The following TMEM178A variants were observed in gnomAD, a reference collection of about 807,000 sequenced individuals.
TMEM178A encodes the protein transmembrane protein 178A.
TMEM178A carries 12 observed loss-of-function variants against 29.1 expected under a neutral mutation model. That is an observed-to-expected ratio of 0.41 (90% confidence interval 0.26 to 0.67). The LOEUF is 0.67. TMEM178A is among the 30% of genes least tolerant of loss of function. TMEM178A has a pLI of 0.29. For missense variants in TMEM178A, 366 were observed against 419.1 expected, an observed-to-expected ratio of 0.87 and a Z score of 1.11; for synonymous variants, 210 against 187.2, an observed-to-expected ratio of 1.12 and a Z score of -0.99.
chr2:39,715,718 T>C (rs1476040570), intron 3 of TMEM178A, among the ~76,000 whole-genome samples: 1 of 152,208 alleles, frequency 6.6e-6, no homozygotes, highest in Non-Finnish European at 1.5e-5. Flanking sequence ...AAGTGCACAT[T>C]TGGAAGCGGA....
chr2:39,707,508 G>A lies in TMEM178A; in HGVS notation c.652+322G>A, dbSNP rs112173459. 9.1e-3 allele frequency among the ~76,000 whole-genome samples: 1,380 copies of A among 152,142 alleles called. 16 individuals carry two copies. Among genetic ancestry groups the A allele is most frequent in the African/African-American group, 0.032 (1,309 of 41,488 alleles). On this transcript the variant is annotated intron_variant, in intron 3 of 3. Coordinates refer to ENST00000281961, the MANE Select transcript of TMEM178A (RefSeq NM_152390.3). ...TTTTTTTGAGATGGAGTCTCACTCT[G>A]TCACCCAGGCTGGAGTGTAGTGGTG...
chr2:39,713,894 T>C (rs1251280513), intron 3 of TMEM178A, among the ~76,000 whole-genome samples: 1 of 152,198 alleles, frequency 6.6e-6, no homozygotes, highest in Non-Finnish European at 1.5e-5. Context: ...GAATTTAGGA[T>C]TTTTTGTTTT....
At chr2:39,734,986 CA>C in the TMEM178A span, among the ~76,000 whole-genome samples, 3 of 152,162 alleles carry the variant, frequency 2.0e-5, no homozygotes, top group South Asian at 2.1e-4. Context: ...TGAATCATTG[CA>C]AAAAACTCCC....
At chr2:39,665,800 A>T, upstream of TMEM178A, 1 of 486,346 alleles carries the variant, frequency 2.1e-6, no homozygotes, top group Non-Finnish European at 3.1e-6. Context: ...AGGCGAGATC[A>T]GGCCAGGGGA....
At chr2:39,721,938 C>T (rs2148125096), downstream of TMEM178A, among the ~76,000 whole-genome samples, 1 of 131,002 alleles carries the variant, frequency 7.6e-6, no homozygotes, top group African/African-American at 2.9e-5. Context: ...GCTATTATCA[C>T]ACCACTGCAC....
downstream of TMEM178A, among the ~76,000 whole-genome samples, chr2:39,719,630 T>A (rs1250461560): frequency 6.6e-6 from 1 of 152,198 alleles, no homozygotes; most frequent in Non-Finnish European, 1.5e-5. Context: ...AACTGGCTTG[T>A]GAATGAAGAA....
At chr2:39,723,501 T>C in the TMEM178A span, among the ~76,000 whole-genome samples, 1 of 152,230 alleles carries the variant, frequency 6.6e-6, no homozygotes, top group Non-Finnish European at 1.5e-5. Context: ...CTTTTAGGTC[T>C]CCTTCATTCT....
At chr2:39,708,760 G>A (rs2148111034) in intron 3 of TMEM178A, among the ~76,000 whole-genome samples, 1 of 152,224 alleles carries the variant, frequency 6.6e-6, no homozygotes, top group African/African-American at 2.4e-5. Context: ...GTGGAGACAG[G>A]GCTAGGATTT....
chr2:39,670,642 G>A (rs533336767), intron 1 of TMEM178A, among the ~76,000 whole-genome samples: 22 of 152,322 alleles, frequency 1.4e-4, no homozygotes, highest in African/African-American at 5.1e-4. Context: ...TAGGAAGACA[G>A]GACAGATGGA....
intron 1 of TMEM178A, among the ~76,000 whole-genome samples, chr2:39,666,868 G>A (rs951629580): frequency 2.6e-5 from 4 of 152,256 alleles, no homozygotes; most frequent in Admixed American, 2.6e-4. Context: ...AGAGAGGGAA[G>A]GGGCTTTGCC....
intron 1 of TMEM178A, among the ~76,000 whole-genome samples, chr2:39,687,701 G>C (rs770082710): frequency 6.6e-6 from 1 of 152,216 alleles, no homozygotes; most frequent in Non-Finnish European, 1.5e-5. Flanking sequence ...GTAGAAGGCA[G>C]CATCAAGGTA....
intron 1 of TMEM178A, among the ~76,000 whole-genome samples, chr2:39,694,900 A>G (rs1424618495): frequency 6.6e-6 from 1 of 152,204 alleles, no homozygotes; most frequent in Non-Finnish European, 1.5e-5. Context: ...TGTAGACCTG[A>G]TGAAAGGTTT....
At chr2:39,721,993 A>G (rs1672715698), downstream of TMEM178A, among the ~76,000 whole-genome samples, 2 of 147,708 alleles carry the variant, frequency 1.4e-5, no homozygotes, top group Non-Finnish European at 3.0e-5. Context: ...CTCAAAAAAA[A>G]AAAAAAAAAA....
intron 3 of TMEM178A, among the ~76,000 whole-genome samples, chr2:39,716,121 T>C (rs1357473375): frequency 6.6e-6 from 1 of 152,222 alleles, no homozygotes; most frequent in Non-Finnish European, 1.5e-5. Flanking sequence ...GACATTCTGA[T>C]ACTTGATTGG....
chr2:39,726,396 G>T, the TMEM178A span, among the ~76,000 whole-genome samples: 1 of 152,148 alleles, frequency 6.6e-6, no homozygotes, highest in Non-Finnish European at 1.5e-5. Context: ...CATGTGGCAG[G>T]GTCAGCAAAA....
At chr2:39,679,073 T>C (rs1670752233) in intron 1 of TMEM178A, among the ~76,000 whole-genome samples, 1 of 152,222 alleles carries the variant, frequency 6.6e-6, no homozygotes, top group South Asian at 2.1e-4. Context: ...TGGGATGCCA[T>C]TGTACTTTAT....
rs140716982 is a variant in TMEM178A, at chr2:39,691,966, A to C, written c.401-12115A>C. 5.7e-3 allele frequency among the ~76,000 whole-genome samples: 866 copies of C among 152,084 alleles called. 12 individuals carry two copies. Among genetic ancestry groups the C allele is most frequent in the African/African-American group, 0.02 (811 of 41,568 alleles). On this transcript the variant is annotated intron_variant, in intron 1 of 3. Transcript: ENST00000281961. ...ATATACATATATATGTATATAATAG[A>C]ATATTTAATTCAGCCTTAAAAAAGA...
rs1033320843 is a variant in TMEM178A, at chr2:39,704,006, G to A, written c.401-75G>A. 1.9e-5 allele frequency: 23 copies of A among 1,241,142 alleles called. No individual in the cohort carries two copies. The South Asian group carries it at 2.6e-4, about 14-fold the overall frequency. 76.9% of individuals were successfully genotyped at this position (1,241,142 alleles called of 1,614,324 possible). A position where few individuals can be genotyped will look rare whatever the true frequency, so the allele number is the denominator to read the frequency against. On this transcript the variant is annotated intron_variant, in intron 1 of 3. Transcript: ENST00000281961. ...TCCCATTCAACCCAGGTTAGGTTACGGTATTCTGCCTCAGGTCTCAGAATT... is the reference window on the plus strand; with the variant it reads ...TCCCATTCAACCCAGGTTAGGTTACAGTATTCTGCCTCAGGTCTCAGAATT...
intron 3 of TMEM178A, among the ~76,000 whole-genome samples, chr2:39,711,863 G>A (rs888359350): frequency 3.3e-5 from 5 of 152,062 alleles, no homozygotes; most frequent in African/African-American, 7.2e-5. Flanking sequence ...GTCTGGGGTG[G>A]CATCTTGAAA....
Sources: gnomAD v4.1 joint callset for allele counts (sites outside exome capture counted in the v4.1 genomes callset) on GRCh38, gnomAD v4.1.1 for gene constraint, MANE v1.5 for transcripts, NCBI Gene and HGNC (gene_info 2026-07-23, HGNC 2026-07-21) for gene names.